Variants in EEA1 observed in about 807,000 individuals in gnomAD.
EEA1 encodes early endosome antigen 1.
Under a neutral mutation model 209.2 loss-of-function variants are expected in EEA1, and 111 were observed. The observed-to-expected ratio is 0.53, with a 90% CI of 0.45 to 0.62. The LOEUF (loss-of-function observed/expected upper bound fraction) is 0.62. EEA1 is among the 20% of genes least tolerant of loss of function. The pLI, the probability that EEA1 is intolerant of heterozygous loss-of-function variation, is 0.00. For missense variants in EEA1, 1,343 were observed against 1,530.8 expected, an observed-to-expected ratio of 0.88 and a Z score of 2.05; for synonymous variants, 536 against 540.6, an observed-to-expected ratio of 0.99 and a Z score of 0.12.
chr12:92,794,732 G>C (rs952916232), intron 21 of EEA1, among the ~76,000 whole-genome samples: 23 of 151,490 alleles, frequency 1.5e-4, no homozygotes, highest in Admixed American at 7.9e-4. Flanking sequence ...GGCCTGTCGG[G>C]GGGTGGGGGG....
chr12:92,786,888 C>T (rs1418739514), intron 22 of EEA1, among the ~76,000 whole-genome samples: 3 of 152,156 alleles, frequency 2.0e-5, no homozygotes, highest in Non-Finnish European at 4.4e-5. Flanking sequence ...AACCTTAATT[C>T]CAAACATAAA....
chr12:92,813,142 C>A, intron 15 of EEA1, 49 bp from the exon 16 acceptor site: 1 of 1,297,366 alleles, frequency 7.7e-7, no homozygotes, highest in Non-Finnish European at 1.1e-6. Context: ...TTCTTGATTT[C>A]CTCTTGCTTG....
chr12:92,830,707 C>T (rs1176565240), intron 11 of EEA1, among the ~76,000 whole-genome samples: 1 of 152,124 alleles, frequency 6.6e-6, no homozygotes, highest in African/African-American at 2.4e-5. Flanking sequence ...GGGTAAATTG[C>T]TGAGGAGGTG....
chr12:92,801,531 A>G lies in EEA1; in HGVS notation c.2772+69T>C, dbSNP rs1483089831. On this transcript the variant is annotated intron_variant, in intron 20 of 28. Coordinates refer to ENST00000322349, the MANE Select transcript of EEA1 (RefSeq NM_003566.4). The stretch of plus-strand genomic sequence containing the variant: ...GCCCCCAAGAACAAACATGCTTTAT[A>G]TATTTATTTGAAAATATAAAGACCT... 2.6e-5 allele frequency: 27 copies of G among 1,029,918 alleles called. No individual in the cohort carries two copies. The South Asian group carries it at 3.9e-4, about 15-fold the overall frequency. The allele number at this position is 1,029,918 out of a possible 1,614,324, so 63.8% of individuals were successfully genotyped here.
At chr12:92,791,147 C>T (rs540524646) in intron 21 of EEA1, among the ~76,000 whole-genome samples, 20 of 152,288 alleles carry the variant, frequency 1.3e-4, no homozygotes, top group Middle Eastern at 3.4e-3. Flanking sequence ...AAGGTACAAC[C>T]GGTACCAGCC....
At chr12:92,783,594 T>G (rs1178637604) in intron 22 of EEA1, among the ~76,000 whole-genome samples, 2 of 152,212 alleles carry the variant, frequency 1.3e-5, no homozygotes, top group Admixed American at 1.3e-4. Flanking sequence ...TCATTTAACA[T>G]AGTCCATAGT....
In EEA1 at chr12:92,774,624, A is replaced by G. The variant is rs544974675; in HGVS notation, c.*1387T>C. 1.3e-5 allele frequency: 2 copies of G among 151,808 alleles called. No individual in the cohort carries two copies. Among genetic ancestry groups the G allele is most frequent in the South Asian group, 4.2e-4 (2 of 4,816 alleles). 9.4% of individuals were successfully genotyped at this position (151,808 alleles called of 1,614,324 possible). A position where few individuals can be genotyped will look rare whatever the true frequency, so the allele number is the denominator to read the frequency against. ...AAAGTTCGATTCCATTGTTCAGCAT[A>G]CAAATAAGCTAATTTCTTAATTATC... is the stretch of plus-strand genomic sequence containing the variant. On this transcript the variant is annotated 3_prime_UTR_variant, in exon 29 of 29. Coordinates refer to ENST00000322349, the MANE Select transcript of EEA1 (RefSeq NM_003566.4).
At chr12:92,886,254 C>G (rs1174609698) in intron 2 of EEA1, among the ~76,000 whole-genome samples, 1 of 148,734 alleles carries the variant, frequency 6.7e-6, no homozygotes, top group Non-Finnish European at 1.5e-5. Context: ...ATAATCTCAG[C>G]TACTCAAGAG....
At chr12:92,800,861 A>T (rs1874877940) in intron 20 of EEA1, among the ~76,000 whole-genome samples, 1 of 152,252 alleles carries the variant, frequency 6.6e-6, no homozygotes, top group African/African-American at 2.4e-5. Context: ...GCATGAAGCA[A>T]TTATAATTTT....
intron 3 of EEA1, among the ~76,000 whole-genome samples, chr12:92,860,623 G>T (rs763478180): frequency 6.6e-6 from 1 of 152,082 alleles, no homozygotes; most frequent in Non-Finnish European, 1.5e-5. Context: ...GTGTCCTACA[G>T]AAAAACCTTG....
intron 3 of EEA1, chr12:92,859,099 T>C: frequency 1.1e-6 from 1 of 936,068 alleles, no homozygotes; most frequent in Admixed American, 2.1e-5. Flanking sequence ...TTATAGTACC[T>C]CTCAGAAGAG....
chr12:92,854,649 T>G (rs1877788740), intron 5 of EEA1, among the ~76,000 whole-genome samples: 1 of 152,240 alleles, frequency 6.6e-6, no homozygotes, highest in African/African-American at 2.4e-5. Context: ...TGGCAGCTCA[T>G]GCTGCAATAG....
intron 13 of EEA1, chr12:92,821,180 A>G (rs1448974282): frequency 6.6e-6 from 1 of 152,202 alleles, no homozygotes; most frequent in Non-Finnish European, 1.5e-5. Flanking sequence ...CATCTTAATT[A>G]CTGGACCTTT....
Position 92,779,282 on chromosome 12 carries a change from C to T in EEA1, c.3487G>A (p.Asp1163Asn). ...TGCTGAATTAGAAGCTGTTTAGCAT[C>T]TTTAAGATTTGTTATCTCCTGTTGA... ...ESIKEITNLK[D>N]AKQLLIQQKL... Residue 1163 changes from aspartate (D) to asparagine (N), a missense_variant, in exon 25 of 29, where the codon GAT (aspartate) becomes AAT (asparagine). By Grantham distance (23) the Asp-to-Asn change is conservative. Coordinates refer to ENST00000322349, the MANE Select transcript of EEA1 (RefSeq NM_003566.4). 1 of 1,596,980 alleles carries T rather than the reference C, an allele frequency of 6.3e-7. No individual in the cohort carries two copies. Among genetic ancestry groups the T allele is most frequent in the Non-Finnish European group, 8.5e-7 (1 of 1,175,612 alleles).
chr12:92,809,211 T>C lies in EEA1; in HGVS notation c.2200-55A>G, dbSNP rs1227238875. ...TTTAATATTAGTAATTATCAATCTA[T>C]TATTAAATACTATAACATTTTTGTT... is the stretch of plus-strand genomic sequence containing the variant. On this transcript the variant is annotated intron_variant, in intron 17 of 28. Transcript: ENST00000322349. The C allele has an allele frequency of 8.2e-6, 11 of 1,335,360 alleles. No individual in the cohort carries two copies. In the Admixed American group the frequency reaches 2.6e-4, roughly 31 times the overall value. 82.7% of individuals were successfully genotyped at this position (1,335,360 alleles called of 1,614,324 possible).
At position 92,802,544 on chromosome 12, in the gene EEA1, C is replaced by T. The variant is rs752836751; in HGVS notation, c.2530G>A (p.Val844Met). ...ATTAAAGCTTCTTTCTCCATTTTCA[C>T]TTTTTGTAGTTCTGTTACTGTTGTT... Reference protein sequence around the residue: ...IQTTVTELQKVKMEKEALMTE... With the variant: ...IQTTVTELQKMKMEKEALMTE... Residue 844 changes from valine (V) to methionine (M), a missense_variant, in exon 19 of 29, where the codon GTG (valine) becomes ATG (methionine). By Grantham distance (21) the Val-to-Met change is conservative. Transcript: ENST00000322349. The T allele has an allele frequency of 6.2e-7, 1 of 1,600,088 alleles. No individual in the cohort carries two copies. The highest frequency in any genetic ancestry group is 1.1e-5 in the South Asian group (1 of 87,788).
chr12:92,776,823 T>C (rs1291767478), intron 28 of EEA1, 21 bp downstream of exon 28: 1 of 1,597,480 alleles, frequency 6.3e-7, no homozygotes, highest in Non-Finnish European at 8.6e-7. Context: ...GAAACATAGT[T>C]ACATGAACAA....
At chr12:92,867,592 T>C (rs1878459252) in intron 2 of EEA1, among the ~76,000 whole-genome samples, 1 of 152,196 alleles carries the variant, frequency 6.6e-6, no homozygotes, top group Admixed American at 6.5e-5. Context: ...CCTTGAATGC[T>C]GATGCCAAAA....
At chr12:92,920,333 T>C (rs28801099) in intron 1 of EEA1, among the ~76,000 whole-genome samples, 5,201 of 82,342 alleles carry the variant, frequency 0.063, 161 homozygotes, top group African/African-American at 0.1. Flanking sequence ...CATCACACTA[T>C]CTGACTTCAA....
Sources: allele counts gnomAD v4.1 joint callset (sites outside exome capture counted in the v4.1 genomes callset), GRCh38; gene constraint gnomAD v4.1.1; transcripts MANE v1.5; gene names NCBI Gene and HGNC (gene_info 2026-07-23, HGNC 2026-07-21).